Variants in PARD3B observed in about 807,000 individuals in gnomAD.
The protein encoded by PARD3B is partitioning defective 3 homolog B.
In PARD3B, 103 loss-of-function variants were observed where a neutral mutation model predicts 130.2. That is an observed-to-expected ratio of 0.79 (90% CI 0.67 to 0.93). PARD3B has a LOEUF of 0.93. Ranked by LOEUF, PARD3B falls within the 40% of genes least tolerant of loss-of-function variation. The pLI, the probability that PARD3B is intolerant of heterozygous loss-of-function variation, is 0.00. For synonymous variants in PARD3B, 583 were observed against 553.2 expected, an observed-to-expected ratio of 1.05 and a Z score of -0.76; for missense variants, 1,609 against 1,499.2, an observed-to-expected ratio of 1.07 and a Z score of -1.21.
At chr2:205,354,479 A>ATTT (rs1553683370) in intron 18 of PARD3B, among the ~76,000 whole-genome samples, 1 of 151,266 alleles carries the variant, frequency 6.6e-6, no homozygotes, top group Non-Finnish European at 1.5e-5. Context: ...GAAAAAAAGT[A>ATTT]AAAAATTAAA....
intron 3 of PARD3B, among the ~76,000 whole-genome samples, chr2:204,983,490 A>T (rs775011268): frequency 2.0e-4 from 30 of 152,196 alleles, no homozygotes; most frequent in Admixed American, 8.5e-4. Context: ...AATTTAATGT[A>T]TTTAGTTGAG....
At chr2:205,383,807 G>T (rs1283443334) in intron 18 of PARD3B, among the ~76,000 whole-genome samples, 1 of 152,188 alleles carries the variant, frequency 6.6e-6, no homozygotes, top group East Asian at 1.9e-4. Context: ...CAGACAATAT[G>T]TAGCCTTTTG....
intron 16 of PARD3B, among the ~76,000 whole-genome samples, chr2:205,277,827 G>A (rs770986977): frequency 2.0e-5 from 3 of 152,134 alleles, no homozygotes; most frequent in Non-Finnish European, 4.4e-5. Flanking sequence ...AAGCCAAAGG[G>A]AGCCCTACAG....
At chr2:204,962,086 T>C (rs1011368253) in intron 2 of PARD3B, among the ~76,000 whole-genome samples, 3 of 152,202 alleles carry the variant, frequency 2.0e-5, no homozygotes, top group African/African-American at 7.2e-5. Context: ...TTCCTGTGTC[T>C]ATCTGGGGAT....
chr2:204,904,567 A>C (rs1348160728), intron 2 of PARD3B, among the ~76,000 whole-genome samples: 1 of 152,210 alleles, frequency 6.6e-6, no homozygotes, highest in Non-Finnish European at 1.5e-5. Flanking sequence ...AAAATGAAAA[A>C]AATTAAAATT....
chr2:205,410,240 T>G (rs2046551407), intron 19 of PARD3B, among the ~76,000 whole-genome samples: 1 of 152,174 alleles, frequency 6.6e-6, no homozygotes, highest in Non-Finnish European at 1.5e-5. Context: ...TTTCAGATTT[T>G]GGATTTTCAG....
intron 15 of PARD3B, among the ~76,000 whole-genome samples, chr2:205,219,893 G>A (rs189573684): frequency 3.8e-4 from 58 of 152,254 alleles, no homozygotes; most frequent in Non-Finnish European, 2.1e-4. Context: ...AGTAATGTAA[G>A]CCCTGCACAT....
At position 205,160,377 on chromosome 2, in the gene PARD3B, A is replaced by G. The variant is rs920888638; in HGVS notation, c.1620+1470A>G. ...CTCCTGCTCCTTGGATCAGCAGGCT[A>G]GCTGGCGCATGTCCCTCTCATGCCT... On this transcript the variant is annotated intron_variant, in intron 11 of 22. Coordinates refer to ENST00000406610, the MANE Select transcript of PARD3B (RefSeq NM_001302769.2). This position sits in a 1 kb window ranked among gnomAD's most constrained non-coding sequence, Gnocchi z 4.0. 2.6e-5 allele frequency among the ~76,000 whole-genome samples: 4 copies of G among 152,140 alleles called. No homozygotes were observed. The highest frequency in any genetic ancestry group is 9.7e-5 in the African/African-American group (4 of 41,420).
intron 21 of PARD3B, among the ~76,000 whole-genome samples, chr2:205,543,422 G>T (rs73060141): frequency 0.035 from 5,371 of 152,276 alleles, 170 homozygotes; most frequent in South Asian, 0.13. Context: ...AAACCACTGA[G>T]AATACTTGCA....
At position 205,615,791 on chromosome 2, in the gene PARD3B, A is replaced by G; in HGVS notation, c.3596A>G (p.Asn1199Ser). 6.2e-7 allele frequency: 1 copy of G among 1,613,358 alleles called. No individual in the cohort carries two copies. The highest frequency in any genetic ancestry group is 1.3e-5 in the African/African-American group (1 of 74,950). Reference protein sequence around the residue: ...PYRTQDSRQKNPMTAAV With the variant: ...PYRTQDSRQKSPMTAAV ...CGAACCCAGGATTCCCGGCAGAAGA[A>G]CCCCATGACTGCAGCCGTATAGCTG... Residue 1199 changes from asparagine to serine, a missense_variant, in exon 23 of 23, where the codon AAC becomes AGC. Transcript: ENST00000406610.
At chr2:205,335,680 G>T (rs573227871) in intron 18 of PARD3B, among the ~76,000 whole-genome samples, 1 of 152,020 alleles carries the variant, frequency 6.6e-6, no homozygotes, top group Non-Finnish European at 1.5e-5. Context: ...ACAGTTCTAC[G>T]TGGCTGGGGA....
chr2:204,660,440 G>A (rs1248652169), intron 1 of PARD3B, among the ~76,000 whole-genome samples: 2 of 152,076 alleles, frequency 1.3e-5, no homozygotes, highest in Admixed American at 6.6e-5. Flanking sequence ...AGTTTGCCAG[G>A]GAATATGCTA....
At chr2:205,401,188 G>A in intron 19 of PARD3B, 65 bp downstream of exon 19, 1 of 1,264,780 alleles carries the variant, frequency 7.9e-7, no homozygotes, top group Non-Finnish European at 1.1e-6. Flanking sequence ...TTTAGATATT[G>A]CAACAGTCAA....
chr2:205,214,429 A>G (rs11896884), intron 15 of PARD3B, among the ~76,000 whole-genome samples: 24,248 of 151,332 alleles, frequency 0.16, 2,254 homozygotes, highest in African/African-American at 0.26. Context: ...ATATTTAGAG[A>G]TTTTGTTCAC....
chr2:205,308,779 A>G (rs1285056280), intron 18 of PARD3B, among the ~76,000 whole-genome samples: 2 of 152,290 alleles, frequency 1.3e-5, no homozygotes, highest in East Asian at 3.9e-4. Flanking sequence ...GTCAATTTAC[A>G]TGGTGTCAAG....
Position 205,193,318 on chromosome 2 carries a change from T to A in PARD3B, c.2138T>A (p.Leu713His). ...INLKASKSMD[L>H]VPDESKVHSL... The stretch of plus-strand genomic sequence containing the variant: ...TTGAAAGCCTCGAAGAGCATGGACC[T>A]TGGTAAGCAAGGGTGAGGTGACATC... The change falls in exon 15 of 23, where the codon CTT (leucine) becomes CAT (histidine). Residue 713 changes from leucine (L) to histidine (H), a missense_variant and splice_region_variant. Leu to His is a moderately conservative substitution (Grantham distance 99). Transcript: ENST00000406610. 6.3e-7 allele frequency: 1 copy of A among 1,599,234 alleles called. No individual in the cohort carries two copies. Among genetic ancestry groups the A allele is most frequent in the Non-Finnish European group, 8.6e-7 (1 of 1,166,508 alleles).
intron 3 of PARD3B, among the ~76,000 whole-genome samples, chr2:205,001,655 G>A (rs1175347780): frequency 6.6e-6 from 1 of 152,310 alleles, no homozygotes; most frequent in South Asian, 2.1e-4. Context: ...TACTGCTTTT[G>A]CTGTTCACTC....
chr2:204,695,662 C>T (rs1181830608), intron 2 of PARD3B, among the ~76,000 whole-genome samples: 1 of 151,698 alleles, frequency 6.6e-6, no homozygotes. Context: ...ACAAATATAT[C>T]ACTTTTATTC....
chr2:205,467,880 G>A (rs1338285205), intron 20 of PARD3B, among the ~76,000 whole-genome samples: 1 of 152,170 alleles, frequency 6.6e-6, no homozygotes, highest in African/African-American at 2.4e-5. Flanking sequence ...CTCTTCTCTT[G>A]TGAAGTTTAT....
Sources: gnomAD v4.1 joint callset for allele counts (sites outside exome capture counted in the v4.1 genomes callset) on GRCh38, gnomAD v4.1.1 for gene constraint, Gnocchi (gnomAD v3.1) non-coding constraint, MANE v1.5 for transcripts, NCBI Gene and HGNC (gene_info 2026-07-23, HGNC 2026-07-21) for gene names.